The following SLMAP variants were observed in gnomAD, a reference collection of about 807,000 sequenced individuals.
The protein encoded by SLMAP is sarcolemma associated protein.
A neutral mutation model predicts 128.8 loss-of-function variants in SLMAP; 44 were observed. The ratio of observed to expected loss-of-function variants is 0.34; its 90% CI spans 0.27 to 0.44. The LOEUF (loss-of-function observed/expected upper bound fraction) is 0.44, where lower values mean the gene tolerates loss of function less well. Ranked by LOEUF, SLMAP falls within the 20% of genes least tolerant of loss-of-function variation. The pLI, the probability that SLMAP is intolerant of heterozygous loss-of-function variation, is 1.00. For missense variants in SLMAP, 787 were observed against 985.3 expected (o/e 0.80, Z 2.69); for synonymous variants, 327 against 348.8 (o/e 0.94, Z 0.70).
rs1159969169 is a variant in SLMAP, at chr3:57,847,211, C to A, written c.434C>A (p.Pro145Gln). The A allele has an allele frequency of 6.2e-7, 1 of 1,607,336 alleles. No individual in the cohort carries two copies. Among genetic ancestry groups the A allele is most frequent in the Non-Finnish European group, 8.5e-7 (1 of 1,175,614 alleles). ...TTACTTTTCAGTGTCATCCATGCAC[C>A]ATTACCAAGTCCTGTTGACAAAGTA... ...ARLRSDVIHA[P>Q]LPSPVDKVAA... Residue 145 changes from proline (P) to glutamine (Q), a missense_variant, in exon 5 of 25, where the codon CCA becomes CAA. Pro to Gln is a moderately conservative substitution (Grantham distance 76). Coordinates refer to ENST00000671191, the MANE Select transcript of SLMAP (RefSeq NM_001377540.1).
At chr3:57,792,228 A>G (rs1377373023) in intron 2 of SLMAP, among the ~76,000 whole-genome samples, 1 of 152,060 alleles carries the variant, frequency 6.6e-6, no homozygotes, top group Non-Finnish European at 1.5e-5. Flanking sequence ...TATACTTTTT[A>G]TATATAAATG....
intron 8 of SLMAP, among the ~76,000 whole-genome samples, chr3:57,859,302 G>A (rs1392071369): frequency 7.0e-5 from 10 of 143,436 alleles, no homozygotes; most frequent in African/African-American, 2.3e-4. Flanking sequence ...CAGCCTGGGC[G>A]ACAGAGCGAG....
intron 3 of SLMAP, among the ~76,000 whole-genome samples, chr3:57,833,142 G>C (rs2093437810): frequency 6.6e-6 from 1 of 152,182 alleles, no homozygotes; most frequent in Admixed American, 6.5e-5. Flanking sequence ...GAATTATTAG[G>C]TGTTGATTGA....
intron 14 of SLMAP, among the ~76,000 whole-genome samples, chr3:57,881,449 T>C (rs2095740653): frequency 6.6e-6 from 1 of 152,152 alleles, no homozygotes; most frequent in Non-Finnish European, 1.5e-5. Context: ...TGTTTTAAAC[T>C]AGATTTTTTA....
At position 57,853,958 on chromosome 3, in the gene SLMAP, TATATATATATATATA is replaced by T. The variant is rs1560252930; in HGVS notation, c.520-3774_520-3760del. Among the ~76,000 whole-genome samples the T allele has an allele frequency of 4.2e-3, 218 of 51,848 alleles. 6 individuals carry two copies. The highest frequency in any genetic ancestry group is 0.015 in the African/African-American group (197 of 12,828). The allele number at this position is 51,848 out of a possible 152,430, so 34.0% of individuals were successfully genotyped here. A position where few individuals can be genotyped will look rare whatever the true frequency, so the allele number is the denominator to read the frequency against. On this transcript the variant is annotated intron_variant, in intron 6 of 24. Coordinates refer to ENST00000671191, the MANE Select transcript of SLMAP (RefSeq NM_001377540.1). Reference sequence around the variant, plus strand: ...TTCTGTCTCAAAAAAAAAAAAATTATATATATATATATATATATATATATATATATATATATATAT... The same window carrying T: ...TTCTGTCTCAAAAAAAAAAAAATTATTATATATATATATATATATATATAT...
chr3:57,799,561 CT>C (rs1232457479), intron 2 of SLMAP, among the ~76,000 whole-genome samples: 2 of 152,110 alleles, frequency 1.3e-5, no homozygotes, highest in African/African-American at 4.8e-5. Context: ...AATTTATGAG[CT>C]TTTCCTTTAA....
intron 6 of SLMAP, among the ~76,000 whole-genome samples, chr3:57,856,865 C>T (rs2094817536): frequency 6.6e-6 from 1 of 152,022 alleles, no homozygotes; most frequent in Non-Finnish European, 1.5e-5. Flanking sequence ...GAGTAATGCC[C>T]CCTTGTGTTA....
chr3:57,848,744 A>G (rs1577553486), intron 5 of SLMAP, among the ~76,000 whole-genome samples: 1 of 109,096 alleles, frequency 9.2e-6, no homozygotes, highest in African/African-American at 3.7e-5. Context: ...AGTTTCACTC[A>G]TGTTGCCCAG....
intron 21 of SLMAP, 79 bp from the exon 22 acceptor site, chr3:57,916,827 G>T: frequency 8.8e-7 from 1 of 1,137,626 alleles, no homozygotes; most frequent in Non-Finnish European, 1.3e-6. Context: ...CCCTTCTAGT[G>T]AAATGTATAA....
intron 17 of SLMAP, among the ~76,000 whole-genome samples, chr3:57,903,758 A>T (rs975807787): frequency 6.8e-6 from 1 of 147,302 alleles, no homozygotes; most frequent in African/African-American, 2.7e-5. Context: ...TACAACTTAC[A>T]TTACTCCTAA....
Position 57,913,250 on chromosome 3 carries a change from C to G in SLMAP, c.2113C>G (p.Gln705Glu). The change falls in exon 21 of 25, where the codon CAA (glutamine) becomes GAA (glutamate). Residue 705 changes from glutamine (Q) to glutamate (E), a missense_variant. This residue lies in a region of SLMAP where 715 missense variants were observed against 843.6 expected (regional missense o/e 0.85). Transcript: ENST00000671191. Reference protein sequence around the residue: ...RENVLLSSELQRQEKELHNSQ... With the variant: ...RENVLLSSELERQEKELHNSQ... ...AAATGTTTTGCTATCATCAGAACTGCAACGGCAAGAAAAAGAATTGCACAA... is the reference window on the plus strand; with the variant it reads ...AAATGTTTTGCTATCATCAGAACTGGAACGGCAAGAAAAAGAATTGCACAA... The G allele has an allele frequency of 1.3e-6, 2 of 1,565,926 alleles. No individual in the cohort carries two copies. Among genetic ancestry groups the G allele is most frequent in the Non-Finnish European group, 1.7e-6 (2 of 1,143,490 alleles).
Position 57,880,169 on chromosome 3 carries a change from T to C in SLMAP, c.1300+8471T>C, listed in dbSNP as rs897992192. Among the ~76,000 whole-genome samples the C allele has an allele frequency of 2.0e-5, 3 of 148,114 alleles. No individual in the cohort carries two copies. In the East Asian group the frequency reaches 6.0e-4, roughly 30 times the overall value. On this transcript the variant is annotated intron_variant, in intron 14 of 24. Coordinates refer to ENST00000671191, the MANE Select transcript of SLMAP (RefSeq NM_001377540.1). ...GTTTTATGTTCCTTTTTGTATGTCA[T>C]TTTTGTTTTGTTTTGTTTTGTTTTG... is the stretch of plus-strand genomic sequence containing the variant.
At chr3:57,898,058 C>T (rs2096281559) in intron 17 of SLMAP, 1 of 152,152 alleles carries the variant, frequency 6.6e-6, no homozygotes, top group African/African-American at 2.4e-5. Context: ...GGAAATTTCT[C>T]TTTGTGGAAG....
chr3:57,784,776 A>C (rs563142542), intron 2 of SLMAP, among the ~76,000 whole-genome samples: 44 of 152,300 alleles, frequency 2.9e-4, no homozygotes, highest in African/African-American at 1.0e-3. Flanking sequence ...CTTAATCCCC[A>C]ATGCAACAGC....
intron 2 of SLMAP, among the ~76,000 whole-genome samples, chr3:57,773,333 T>G (rs942283902): frequency 1.3e-5 from 2 of 152,254 alleles, no homozygotes; most frequent in African/African-American, 2.4e-5. Flanking sequence ...TCTTGGAAAC[T>G]GTGAGACTAA....
intron 22 of SLMAP, chr3:57,917,538 C>T (rs990926492): frequency 6.1e-6 from 1 of 163,698 alleles, no homozygotes; most frequent in Non-Finnish European, 1.3e-5. Flanking sequence ...TGGCCTTTTA[C>T]TTTCTTCCTC....
chr3:57,864,587 C>G lies in SLMAP; in HGVS notation c.1006C>G (p.Gln336Glu). The stretch of plus-strand genomic sequence containing the variant: ...ACAAGAGGAAATCCAACAGAAGGGA[C>G]AGGCTGAGAAAAAAGAATTACAACA... The part of the protein sequence containing the change: ...GKQEEIQQKG[Q>E]AEKKELQHKI... The change falls in exon 11 of 25, where the codon CAG becomes GAG. Residue 336 changes from glutamine to glutamate, a missense_variant. Gln to Glu is a conservative substitution (Grantham distance 29, BLOSUM62 2). Transcript: ENST00000671191. 6.3e-7 allele frequency: 1 copy of G among 1,585,934 alleles called. No individual in the cohort carries two copies. Among genetic ancestry groups the G allele is most frequent in the East Asian group, 2.2e-5 (1 of 44,492 alleles).
intron 5 of SLMAP, among the ~76,000 whole-genome samples, chr3:57,848,709 CTTTTTTT>C (rs34568039): frequency 9.7e-6 from 1 of 103,596 alleles, no homozygotes; most frequent in African/African-American, 3.6e-5. Flanking sequence ...CCTCCTACTC[CTTTTTTT>C]TTTTTTTTTT....
intron 22 of SLMAP, among the ~76,000 whole-genome samples, chr3:57,918,973 G>A (rs1167629400): frequency 6.6e-6 from 1 of 152,176 alleles, no homozygotes; most frequent in East Asian, 1.9e-4. Context: ...AAGCAAGATG[G>A]AGCAAAAATG....
Sources: gnomAD v4.1 joint callset for allele counts (sites outside exome capture counted in the v4.1 genomes callset) on GRCh38, gnomAD v4.1.1 for gene constraint, gnomAD v4.1.1 regional missense constraint, MANE v1.5 for transcripts, NCBI Gene and HGNC (gene_info 2026-07-23, HGNC 2026-07-21) for gene names.